Variants in SVOPL observed in about 807,000 individuals in gnomAD.
The protein encoded by SVOPL is SVOP like, also known as putative transporter SVOPL.
Under a neutral mutation model 61.0 loss-of-function variants are expected in SVOPL, and 60 were observed. That is an observed-to-expected ratio of 0.98 (90% CI 0.80 to 1.22). The LOEUF (loss-of-function observed/expected upper bound fraction) is 1.22, where lower values mean the gene tolerates loss of function less well. Ranked by LOEUF, SVOPL falls within the 50% of genes most tolerant of loss-of-function variation. The pLI, the probability that SVOPL is intolerant of heterozygous loss-of-function variation, is 0.00. For missense variants in SVOPL, 662 were observed against 643.9 expected, an observed-to-expected ratio of 1.03 and a Z score of -0.30; for synonymous variants, 279 against 250.0, an observed-to-expected ratio of 1.12 and a Z score of -1.09.
Position 138,628,265 on chromosome 7 carries a change from A to G in SVOPL, c.962T>C (p.Val321Ala), listed in dbSNP as rs780126595. ...CTCCCCTGAGTCCCCCCCAGTCACCACCACCGCAGAGTCTGACTTTGAACC... is the reference window on the plus strand; with the variant it reads ...CTCCCCTGAGTCCCCCCCAGTCACCGCCACCGCAGAGTCTGACTTTGAACC... ...VCGSKSDSAV[V>A]VTGGDSGESQ... The change falls in exon 11 of 16, where the codon GTG (valine) becomes GCG (alanine). Residue 321 changes from valine (V) to alanine (A), a missense_variant. Physicochemically the swap from Val to Ala is moderately conservative, Grantham distance 64. Coordinates refer to ENST00000674285, the MANE Select transcript of SVOPL (RefSeq NM_001139456.2). The G allele has an allele frequency of 1.1e-5, 18 of 1,614,018 alleles. No individual in the cohort carries two copies. The Admixed American group carries it at 2.2e-4, about 19-fold the overall frequency.
At chr7:138,662,497 C>T in intron 5 of SVOPL, 1 of 985,514 alleles carries the variant, frequency 1.0e-6, no homozygotes. Flanking sequence ...GAAAGAACAG[C>T]TTCTTCTGAG....
intron 10 of SVOPL, among the ~76,000 whole-genome samples, chr7:138,628,932 G>T (rs946545192): frequency 6.6e-6 from 1 of 152,050 alleles, no homozygotes; most frequent in Admixed American, 6.6e-5. Context: ...CAGCACTTTG[G>T]GAGGCTAAGG....
chr7:138,633,630 C>A (rs1275393943), intron 9 of SVOPL, among the ~76,000 whole-genome samples: 1 of 152,032 alleles, frequency 6.6e-6, no homozygotes, highest in African/African-American at 2.4e-5. Flanking sequence ...TATAGCAATG[C>A]AAAACGAACA....
intron 14 of SVOPL, chr7:138,597,197 T>C (rs1238093761): frequency 3.1e-6 from 4 of 1,289,410 alleles, no homozygotes; most frequent in Non-Finnish European, 4.0e-6. Flanking sequence ...TAGTTCTCCA[T>C]TAATCTCACA....
intron 1 of SVOPL, among the ~76,000 whole-genome samples, chr7:138,681,490 A>C (rs952684823): frequency 1.3e-5 from 2 of 152,052 alleles, no homozygotes; most frequent in Admixed American, 1.3e-4. Context: ...TAGCATGGGC[A>C]ATATCAAAGA....
chr7:138,603,734 T>G (rs577072927), intron 14 of SVOPL, among the ~76,000 whole-genome samples: 84 of 152,292 alleles, frequency 5.5e-4, no homozygotes, highest in African/African-American at 1.9e-3. Context: ...GTAGCCTGTA[T>G]GTTGTAATCT....
At chr7:138,656,422 C>T (rs1801732987) in intron 7 of SVOPL, 26 bp downstream of exon 7, 1 of 1,612,236 alleles carries the variant, frequency 6.2e-7, no homozygotes, top group Admixed American at 1.7e-5. Flanking sequence ...ATGCCAAAGG[C>T]AGGTAGAACT....
At chr7:138,664,532 G>A (rs1184692470) in intron 4 of SVOPL, among the ~76,000 whole-genome samples, 28 of 111,394 alleles carry the variant, frequency 2.5e-4, no homozygotes, top group Non-Finnish European at 1.9e-4. Flanking sequence ...CCTAACCCTC[G>A]AGCACCCCTA....
Position 138,594,426 on chromosome 7 carries a change from G to T in SVOPL, c.*184C>A. The T allele has an allele frequency of 5.1e-6, 2 of 392,840 alleles. No homozygotes were observed. Among genetic ancestry groups the T allele is most frequent in the South Asian group, 9.2e-5 (1 of 10,846 alleles). 24.3% of individuals were successfully genotyped at this position (392,840 alleles called of 1,614,324 possible). A position where few individuals can be genotyped will look rare whatever the true frequency, so the allele number is the denominator to read the frequency against. ...ATTTTATAAAAGTACTTTATATATT[G>T]TTCCTCAAGGAAGAGATCAATATAC... On this transcript the variant is annotated 3_prime_UTR_variant, in exon 16 of 16. Transcript: ENST00000674285.
chr7:138,651,970 G>A (rs2117035577), intron 7 of SVOPL, among the ~76,000 whole-genome samples: 1 of 152,190 alleles, frequency 6.6e-6, no homozygotes, highest in Admixed American at 6.5e-5. Flanking sequence ...CGCAATCACG[G>A]CTCACTGCAA....
At chr7:138,684,724 A>C (rs1802767365) in intron 1 of SVOPL, among the ~76,000 whole-genome samples, 1 of 152,212 alleles carries the variant, frequency 6.6e-6, no homozygotes, top group Non-Finnish European at 1.5e-5. Context: ...AAAAATTAAA[A>C]TAGAACCACC....
intron 14 of SVOPL, among the ~76,000 whole-genome samples, chr7:138,597,921 G>A (rs1798347658): frequency 6.6e-6 from 1 of 152,116 alleles, no homozygotes; most frequent in Admixed American, 6.5e-5. Context: ...GAGTTTGTTT[G>A]GGTCACCTAA....
intron 9 of SVOPL, 54 bp from the exon 10 acceptor site, chr7:138,630,176 G>A: frequency 7.0e-7 from 1 of 1,434,358 alleles, no homozygotes; most frequent in Non-Finnish European, 9.8e-7. Flanking sequence ...GATGAACGGA[G>A]ATGTTTCCAC....
At chr7:138,627,973 G>C (rs1799967507) in intron 11 of SVOPL, among the ~76,000 whole-genome samples, 185 bp downstream of exon 11, 1 of 152,110 alleles carries the variant, frequency 6.6e-6, no homozygotes, top group Non-Finnish European at 1.5e-5. Flanking sequence ...CACTTCAAAG[G>C]TCTACTCCTC....
intron 13 of SVOPL, among the ~76,000 whole-genome samples, chr7:138,621,898 CTATCTATG>C (rs1799601204): frequency 2.6e-5 from 3 of 116,472 alleles, no homozygotes; most frequent in Admixed American, 1.7e-4. Context: ...ATCTATCTAT[CTATCTATG>C]TATCTATCTA....
chr7:138,693,459 C>A (rs1802987320), intron 1 of SVOPL, among the ~76,000 whole-genome samples: 1 of 134,538 alleles, frequency 7.4e-6, no homozygotes, highest in African/African-American at 2.8e-5. Flanking sequence ...ATGATAGAAC[C>A]CAGAAGAAAG....
intron 8 of SVOPL, 24 bp downstream of exon 8, chr7:138,648,988 A>G: frequency 6.2e-7 from 1 of 1,613,440 alleles, no homozygotes; most frequent in East Asian, 2.2e-5. Flanking sequence ...AGGGGACAGG[A>G]AGGAGCCACA....
rs114387119 is a variant in SVOPL, at chr7:138,612,965, C to T, written c.1353+8081G>A. 5.4e-3 allele frequency among the ~76,000 whole-genome samples: 829 copies of T among 152,210 alleles called. 8 individuals are homozygous for T. The highest frequency in any genetic ancestry group is 0.019 in the African/African-American group (794 of 41,532). On this transcript the variant is annotated intron_variant, in intron 14 of 15. Coordinates refer to ENST00000674285, the MANE Select transcript of SVOPL (RefSeq NM_001139456.2). ...CTGAGAGTTGTCTTATAAGCTTACT[C>T]TACCCTTTCCCTCCTCCAATTTACT...
intron 1 of SVOPL, among the ~76,000 whole-genome samples, chr7:138,695,477 C>T (rs190893968): frequency 3.2e-4 from 49 of 152,250 alleles, no homozygotes; most frequent in African/African-American, 1.1e-3. Context: ...ATGCACTGCA[C>T]TACAGCATGG....
Sources: allele counts gnomAD v4.1 joint callset (sites outside exome capture counted in the v4.1 genomes callset), GRCh38; gene constraint gnomAD v4.1.1; transcripts MANE v1.5; gene names NCBI Gene and HGNC (gene_info 2026-07-23, HGNC 2026-07-21).